Variants in DSP observed in about 807,000 individuals in gnomAD.
DSP encodes desmoplakin.
DSP carries 114 observed loss-of-function variants against 290.6 expected under a neutral mutation model. The ratio of observed to expected loss-of-function variants is 0.39; its 90% CI spans 0.34 to 0.46. The LOEUF (loss-of-function observed/expected upper bound fraction) is 0.46, where lower values mean the gene tolerates loss of function less well. Among genes scored for constraint, DSP ranks in the 20% least tolerant of loss-of-function variants. The pLI is 0.99. For synonymous variants in DSP, 1,311 were observed against 1,316.4 expected (o/e 1.00, Z 0.09); for missense variants, 3,230 against 3,495.8 (o/e 0.92, Z 1.92).
intron 17 of DSP, 145 bp from the exon 18 acceptor site, chr6:7,575,150 A>C (rs1002687518): frequency 2.6e-6 from 2 of 783,890 alleles, no homozygotes; most frequent in Non-Finnish European, 4.1e-6. Flanking sequence ...CAGTAAATAT[A>C]TTTCCCTGGA....
At chr6:7,577,680 G>A (rs762773678) in intron 20 of DSP, 99 bp from the exon 21 acceptor site, 1 of 986,780 alleles carries the variant, frequency 1.0e-6, no homozygotes, top group Non-Finnish European at 1.6e-6. Flanking sequence ...TGGGCAATTA[G>A]ACGTGCAGCC....
At chr6:7,572,190 TTCTGG>T in intron 15 of DSP, 122 bp downstream of exon 15, 1 of 912,610 alleles carries the variant, frequency 1.1e-6, no homozygotes, top group Non-Finnish European at 1.7e-6. Context: ...GAAAACAGGC[TTCTGG>T]CAGGATTTCC....
At chr6:7,572,565 T>C (rs915830338) in intron 15 of DSP, among the ~76,000 whole-genome samples, 1 of 152,210 alleles carries the variant, frequency 6.6e-6, no homozygotes, top group Non-Finnish European at 1.5e-5. Context: ...ACATTTACAG[T>C]GCTAATGAGG....
intron 8 of DSP, 142 bp downstream of exon 8, chr6:7,566,623 G>A: frequency 1.4e-6 from 1 of 699,010 alleles, no homozygotes; most frequent in Non-Finnish European, 2.4e-6. Flanking sequence ...TACACCAGGG[G>A]TTGGCAAACT....
rs746639284 is a variant in DSP, at chr6:7,580,413, AAAT to A, written c.4226_4228del (p.Ile1409del). On this transcript the variant is annotated inframe_deletion, in exon 23 of 24. Coordinates refer to ENST00000379802, the MANE Select transcript of DSP (RefSeq NM_004415.4). The surrounding 1 kb of genome is among the most constrained non-coding windows in gnomAD (Gnocchi z 4.2). ...CGAGAAAACAGGAGCTTATCTGAAG[AAAT>A]AAAGAGGCTGAAGAACACTCTAACC... The A allele has an allele frequency of 5.0e-6, 8 of 1,613,994 alleles. No individual in the cohort carries two copies. In the African/African-American group the frequency reaches 1.1e-4, roughly 22 times the overall value.
chr6:7,555,079 G>A (rs1457573745), intron 1 of DSP, among the ~76,000 whole-genome samples: 3 of 152,178 alleles, frequency 2.0e-5, no homozygotes, highest in Non-Finnish European at 4.4e-5. Flanking sequence ...TTGTGGTGTT[G>A]GGGACTGTCA....
chr6:7,575,263 A>G, intron 17 of DSP, 32 bp from the exon 18 acceptor site: 1 of 1,611,362 alleles, frequency 6.2e-7, no homozygotes, highest in Non-Finnish European at 8.5e-7. Context: ...AGAAGGGATT[A>G]ATTTGCAATC....
intron 10 of DSP, 132 bp from the exon 11 acceptor site, chr6:7,568,305 T>TGG: frequency 9.7e-7 from 1 of 1,031,782 alleles, no homozygotes; most frequent in Admixed American, 2.0e-5. Context: ...CCGACGAATT[T>TGG]GTGATTTTTT....
chr6:7,576,589 G>C, intron 19 of DSP, 133 bp downstream of exon 19: 1 of 1,179,752 alleles, frequency 8.5e-7, no homozygotes, highest in East Asian at 2.5e-5. Flanking sequence ...TTTTGTGAAG[G>C]CTTAAAGAAT....
intron 1 of DSP, among the ~76,000 whole-genome samples, chr6:7,542,690 C>T (rs1351307355): frequency 1.3e-5 from 2 of 152,190 alleles, no homozygotes; most frequent in Admixed American, 6.5e-5. Flanking sequence ...CTTCGGCTTC[C>T]CCTGTCCGGG....
At chr6:7,545,314 G>A (rs954741235) in intron 1 of DSP, among the ~76,000 whole-genome samples, 2 of 152,154 alleles carry the variant, frequency 1.3e-5, no homozygotes, top group African/African-American at 4.8e-5. Context: ...TTTAGAGCGG[G>A]GGGACCCCTA....
intron 1 of DSP, among the ~76,000 whole-genome samples, chr6:7,553,606 T>G (rs1196436862): frequency 6.6e-6 from 1 of 152,222 alleles, no homozygotes; most frequent in African/African-American, 2.4e-5. Context: ...CAGGTACGTT[T>G]TGGAAGGTGT....
rs751201132 is a variant in DSP, at chr6:7,585,380, G to C, written c.8118G>C (p.Lys2706Asn). 7.4e-6 allele frequency: 12 copies of C among 1,614,150 alleles called. No individual in the cohort carries two copies. In the South Asian group the frequency reaches 1.2e-4, roughly 16 times the overall value. Residue 2706 changes from lysine (K) to asparagine (N), a missense_variant, in exon 24 of 24, where the codon AAG (lysine) becomes AAC (asparagine). Physicochemically the swap from Lys to Asn is moderately conservative, Grantham distance 94. Around this residue, in one of 5 missense-constraint regions of DSP, gnomAD observed 582 missense variants for 555.4 expected, o/e 1.05. Coordinates refer to ENST00000379802, the MANE Select transcript of DSP (RefSeq NM_004415.4). ...TCGAGGGTGTGAAGGGAAAGAAGAA[G>C]ATGTCAGCAGCAGAGGCAGTGAAAG... ...IGFEGVKGKK[K>N]MSAAEAVKEK...
chr6:7,548,000 T>G (rs1331300762), intron 1 of DSP, among the ~76,000 whole-genome samples: 1 of 152,116 alleles, frequency 6.6e-6, no homozygotes, highest in Non-Finnish European at 1.5e-5. Context: ...CCGGGCGCGG[T>G]GGCTCACGCC....
chr6:7,584,416 G>A lies in DSP; in HGVS notation c.7154G>A (p.Arg2385His), dbSNP rs1396768987. The A allele has an allele frequency of 3.1e-6, 5 of 1,614,172 alleles. No individual in the cohort carries two copies. Among genetic ancestry groups the A allele is most frequent in the East Asian group, 2.2e-5 (1 of 44,880 alleles). ...ATCATTGACCCAAAGGAGAGCCATC[G>A]TTTACCAGTTGACATAGCATATAAG... Reference protein sequence around the residue: ...GGIIDPKESHRLPVDIAYKRG... With the variant: ...GGIIDPKESHHLPVDIAYKRG... Residue 2385 changes from arginine to histidine, a missense_variant, in exon 24 of 24, where the codon CGT (arginine) becomes CAT (histidine). This residue lies in a region of DSP where 207 missense variants were observed against 281.2 expected (regional missense o/e 0.74). Coordinates refer to ENST00000379802, the MANE Select transcript of DSP (RefSeq NM_004415.4). This position sits in a 1 kb window ranked among gnomAD's most constrained non-coding sequence, Gnocchi z 6.4.
rs200961741 is a variant in DSP at position 7,566,442 on chromosome 6, A to G, written c.1005A>G (p.Gln335=). 180 of 1,613,884 alleles carry G rather than the reference A, an allele frequency of 1.1e-4. No individual in the cohort carries two copies. Among genetic ancestry groups the G allele is most frequent in the Non-Finnish European group, 1.4e-4 (164 of 1,180,022 alleles). The change falls in exon 8 of 24, where the codon CAA becomes CAG. Residue 335 remains glutamine, a synonymous_variant. Coordinates refer to ENST00000379802, the MANE Select transcript of DSP (RefSeq NM_004415.4). ...ATAAGCTGAAACAAGAAAGTGACCAACTTGTCCTCAATCAGCATCCAGCTT... is the reference window on the plus strand; with the variant it reads ...ATAAGCTGAAACAAGAAAGTGACCAGCTTGTCCTCAATCAGCATCCAGCTT... The part of the protein sequence containing the change: ...ELNKLKQESD[Q]LVLNQHPASD...
chr6:7,576,577 C>T, intron 19 of DSP, 121 bp downstream of exon 19: 1 of 1,310,376 alleles, frequency 7.6e-7, no homozygotes, highest in Non-Finnish European at 1.1e-6. Context: ...ATTACTAACC[C>T]ATTTTGTGAA....
intron 4 of DSP, 156 bp from the exon 5 acceptor site, chr6:7,562,496 G>C: frequency 7.7e-7 from 1 of 1,301,134 alleles, no homozygotes; most frequent in Non-Finnish European, 1.1e-6. Context: ...CCCTGCATTA[G>C]CCATTTGGGA....
chr6:7,548,044 G>A (rs577363651), intron 1 of DSP, among the ~76,000 whole-genome samples: 5 of 152,126 alleles, frequency 3.3e-5, no homozygotes, highest in South Asian at 2.1e-4. Context: ...CGAGGTGGGC[G>A]GATCACAAGG....
Sources: gnomAD v4.1 joint callset for allele counts (sites outside exome capture counted in the v4.1 genomes callset) on GRCh38, gnomAD v4.1.1 for gene constraint, gnomAD v4.1.1 regional missense constraint, Gnocchi (gnomAD v3.1) non-coding constraint, MANE v1.5 for transcripts, NCBI Gene and HGNC (gene_info 2026-07-23, HGNC 2026-07-21) for gene names.